HBS1L: variants seen among roughly 807,000 people sequenced by gnomAD.
The protein encoded by HBS1L is HBS1 like translational GTPase, also known as HBS1-like protein.
HBS1L carries 55 observed loss-of-function variants against 88.9 expected under a neutral mutation model. The ratio of observed to expected loss-of-function variants is 0.62; its 90% CI spans 0.50 to 0.77. The LOEUF (loss-of-function observed/expected upper bound fraction) is 0.77. Among genes scored for constraint, HBS1L ranks in the 30% least tolerant of loss-of-function variants. HBS1L has a pLI of 0.00. For synonymous variants in HBS1L, 267 were observed against 288.5 expected, an observed-to-expected ratio of 0.93 and a Z score of 0.76; for missense variants, 741 against 829.3, an observed-to-expected ratio of 0.89 and a Z score of 1.31.
intron 4 of HBS1L, chr6:135,037,819 A>G (rs745731028): frequency 8.4e-6 from 13 of 1,546,936 alleles, no homozygotes; most frequent in South Asian, 4.8e-5. Context: ...ACATGATTCT[A>G]GTTTCTTTTC....
chr6:135,044,211 G>A (rs1339840213), intron 2 of HBS1L, among the ~76,000 whole-genome samples: 5 of 152,072 alleles, frequency 3.3e-5, no homozygotes. Flanking sequence ...TACTTATTAG[G>A]AAATTAATGT....
chr6:135,025,782 T>C (rs1405202455), intron 4 of HBS1L, among the ~76,000 whole-genome samples: 1 of 152,100 alleles, frequency 6.6e-6, no homozygotes, highest in African/African-American at 2.4e-5. Flanking sequence ...GTTTTTGAAG[T>C]TTTATGATAT....
At chr6:134,978,812 A>C in intron 14 of HBS1L, 25 bp from the exon 15 acceptor site, 1 of 1,432,070 alleles carries the variant, frequency 7.0e-7, no homozygotes, top group Non-Finnish European at 9.7e-7. Context: ...AAAAAAGAGG[A>C]AAGGTAATTG....
chr6:135,045,531 T>A (rs1459427544), intron 2 of HBS1L, among the ~76,000 whole-genome samples: 1 of 152,136 alleles, frequency 6.6e-6, no homozygotes, highest in Non-Finnish European at 1.5e-5. Context: ...AAGCAGGAAA[T>A]TTGTATTCTT....
At chr6:135,002,278 T>C (rs1355083017) in intron 5 of HBS1L, among the ~76,000 whole-genome samples, 1 of 152,122 alleles carries the variant, frequency 6.6e-6, no homozygotes, top group African/African-American at 2.4e-5. Context: ...AATGGTCCAA[T>C]TTACGTCTTT....
At chr6:134,974,982 C>G (rs1274506789) in intron 15 of HBS1L, among the ~76,000 whole-genome samples, 2 of 152,096 alleles carry the variant, frequency 1.3e-5, no homozygotes, top group African/African-American at 4.8e-5. Context: ...TCTCTGTTTG[C>G]CAATGATATA....
chr6:134,969,205 G>A (rs1224487597), intron 16 of HBS1L, 33 bp downstream of exon 16: 3 of 1,428,348 alleles, frequency 2.1e-6, no homozygotes, highest in Admixed American at 1.7e-5. Flanking sequence ...GGCTTAAATT[G>A]CTTGTTTATC....
rs766503035 is a variant in HBS1L at position 134,965,281 on chromosome 6, ATTCTT to A, written c.2048_2052del (p.Lys683MetfsTer53). The A allele has an allele frequency of 2.5e-6, 4 of 1,568,650 alleles. No individual in the cohort carries two copies. The highest frequency in any genetic ancestry group is 3.5e-6 in the Non-Finnish European group (4 of 1,145,342). On this transcript the variant is annotated frameshift_variant, in exon 18 of 18. Coordinates refer to ENST00000367837, the MANE Select transcript of HBS1L (RefSeq NM_006620.4). LOFTEE classifies it high-confidence loss of function. Reference sequence around the variant, plus strand: ...AACGTGGTAGAAATTCTGACCCATCATTCTTTTATCTGTTAAAACAAAAAAAAAAA... The same window carrying A: ...AACGTGGTAGAAATTCTGACCCATCATTATCTGTTAAAACAAAAAAAAAAA...
chr6:135,010,965 G>A (rs1436307686), intron 4 of HBS1L, among the ~76,000 whole-genome samples: 1 of 151,934 alleles, frequency 6.6e-6, no homozygotes, highest in Non-Finnish European at 1.5e-5. Context: ...AAAATATATA[G>A]GAATTTATAC....
At chr6:135,038,576 G>C (rs1042771192) in intron 4 of HBS1L, among the ~76,000 whole-genome samples, 1 of 152,102 alleles carries the variant, frequency 6.6e-6, no homozygotes, top group Non-Finnish European at 1.5e-5. Flanking sequence ...CTTATTTCAT[G>C]GTAACAGGCT....
At chr6:135,002,936 C>T (rs1204332237) in intron 4 of HBS1L, 94 bp from the exon 5 acceptor site, 4 of 731,976 alleles carry the variant, frequency 5.5e-6, no homozygotes, top group Non-Finnish European at 9.1e-6. Flanking sequence ...ATTATGATAA[C>T]TTTCACAGAA....
At chr6:135,039,854 G>T in intron 3 of HBS1L, 87 bp from the exon 4 acceptor site, 1 of 1,153,966 alleles carries the variant, frequency 8.7e-7, no homozygotes, top group Non-Finnish European at 1.2e-6. Context: ...AAAATTTACA[G>T]CTGTACTAGA....
At chr6:135,000,222 A>ATATTTTTTTTTTTTTTT (rs1775410987) in intron 5 of HBS1L, among the ~76,000 whole-genome samples, 1 of 129,444 alleles carries the variant, frequency 7.7e-6, no homozygotes, top group African/African-American at 3.5e-5. Context: ...TACCCAGCTA[A>ATATTTTTTTTTTTTTTT]TTTTTTTTTT....
At chr6:134,983,717 T>G (rs1243483488) in intron 12 of HBS1L, 1 of 152,178 alleles carries the variant, frequency 6.6e-6, no homozygotes, top group Non-Finnish European at 1.5e-5. Flanking sequence ...AGATACAGAT[T>G]TGGGAAGCAT....
At chr6:135,032,931 T>TACGAAAA (rs1254233464) in intron 4 of HBS1L, among the ~76,000 whole-genome samples, 1 of 72,542 alleles carries the variant, frequency 1.4e-5, no homozygotes, top group East Asian at 4.2e-4. Flanking sequence ...GTTTAGTAAC[T>TACGAAAA]AGGAAAAAGG....
At chr6:134,973,989 A>T (rs1440319059) in intron 15 of HBS1L, among the ~76,000 whole-genome samples, 3 of 152,062 alleles carry the variant, frequency 2.0e-5, no homozygotes, top group Non-Finnish European at 2.9e-5. Flanking sequence ...TTAAAGTCTA[A>T]TCCATTCTTC....
intron 4 of HBS1L, chr6:135,037,360 A>C (rs1290393116): frequency 6.4e-7 from 1 of 1,551,656 alleles, no homozygotes; most frequent in East Asian, 2.4e-5. Flanking sequence ...AGAAAACTGC[A>C]AATTATCATT....
intron 5 of HBS1L, among the ~76,000 whole-genome samples, chr6:134,997,879 A>G (rs1775337533): frequency 6.6e-6 from 1 of 152,186 alleles, no homozygotes; most frequent in Admixed American, 6.5e-5. Flanking sequence ...TGTACCAAAA[A>G]TGAAGATAAG....
At position 135,050,594 on chromosome 6, in the gene HBS1L, A is replaced by T; in HGVS notation, c.97T>A (p.Ser33Thr). The change falls in exon 2 of 18, where the codon TCG (serine) becomes ACG (threonine). Residue 33 changes from serine (S) to threonine (T), a missense_variant. Transcript: ENST00000367837. Reference protein sequence around the residue: ...GQSVEDDYCISPSTAAQFIYS... With the variant: ...GQSVEDDYCITPSTAAQFIYS... ...TTTAAAAATTCACCTGTTGACGGCGAAATACAATAATCATCCTCTACAGAC... is the reference window on the plus strand; with the variant it reads ...TTTAAAAATTCACCTGTTGACGGCGTAATACAATAATCATCCTCTACAGAC... 6.3e-7 allele frequency: 1 copy of T among 1,594,010 alleles called. No individual in the cohort carries two copies. Among genetic ancestry groups the T allele is most frequent in the Non-Finnish European group, 8.6e-7 (1 of 1,168,422 alleles).
Sources: gnomAD v4.1 joint callset for allele counts (sites outside exome capture counted in the v4.1 genomes callset) on GRCh38, gnomAD v4.1.1 for gene constraint, MANE v1.5 for transcripts, NCBI Gene and HGNC (gene_info 2026-07-23, HGNC 2026-07-21) for gene names.